CPED1: variants seen among roughly 807,000 people sequenced by gnomAD.
CPED1 encodes cadherin-like and PC-esterase domain-containing protein 1.
Under a neutral mutation model 128.2 loss-of-function variants are expected in CPED1, and 114 were observed. That is an observed-to-expected ratio of 0.89 (90% CI 0.76 to 1.04). CPED1 has a LOEUF of 1.04. Ranked by LOEUF, CPED1 falls within the 50% of genes least tolerant of loss-of-function variation. The pLI, the probability that CPED1 is intolerant of heterozygous loss-of-function variation, is 0.00. For missense variants in CPED1, 1,211 were observed against 1,207.1 expected (o/e 1.00, Z -0.05); for synonymous variants, 462 against 426.7 (o/e 1.08, Z -1.02).
intron 22 of CPED1, among the ~76,000 whole-genome samples, chr7:121,285,334 G>C (rs1562862673): frequency 6.6e-6 from 1 of 152,114 alleles, no homozygotes; most frequent in African/African-American, 2.4e-5. Context: ...CTGCCATGAA[G>C]GTCTCTGACA....
Position 121,054,356 on chromosome 7 carries a change from G to A in CPED1, c.540+7363G>A, listed in dbSNP as rs549878557. Among the ~76,000 whole-genome samples, 4 of 152,216 alleles carry A rather than the reference G, an allele frequency of 2.6e-5. No individual in the cohort carries two copies. In the South Asian group the frequency reaches 8.3e-4, roughly 32 times the overall value. On this transcript the variant is annotated intron_variant, in intron 4 of 22. Transcript: ENST00000310396. Reference sequence around the variant, plus strand: ...TTCTTTCTCAGACAGTGAGAAAATTGGATCTCATTTACATCATATTTCCCT... The same window carrying A: ...TTCTTTCTCAGACAGTGAGAAAATTAGATCTCATTTACATCATATTTCCCT...
intron 2 of CPED1, among the ~76,000 whole-genome samples, chr7:121,013,637 A>G (rs1792218656): frequency 6.6e-6 from 1 of 152,338 alleles, no homozygotes; most frequent in East Asian, 1.9e-4. Flanking sequence ...AGAGGAAAGT[A>G]TTGTCTGAAG....
At chr7:121,260,396 C>T (rs1339170436) in intron 18 of CPED1, among the ~76,000 whole-genome samples, 1 of 151,876 alleles carries the variant, frequency 6.6e-6, no homozygotes, top group Non-Finnish European at 1.5e-5. Flanking sequence ...TCACATTTCA[C>T]AGAGGGATGC....
At chr7:121,207,834 G>T (rs1420879028) in intron 16 of CPED1, among the ~76,000 whole-genome samples, 1 of 151,814 alleles carries the variant, frequency 6.6e-6, no homozygotes, top group Non-Finnish European at 1.5e-5. Context: ...TGTGTTTTTG[G>T]AACCCCAAAC....
chr7:121,262,964 C>T (rs1242873217), intron 18 of CPED1, among the ~76,000 whole-genome samples: 1 of 152,028 alleles, frequency 6.6e-6, no homozygotes, highest in Non-Finnish European at 1.5e-5. Flanking sequence ...ACTGAATTTT[C>T]ATTATAGTTA....
At chr7:121,030,805 C>T (rs1474600134) in intron 3 of CPED1, among the ~76,000 whole-genome samples, 1 of 152,170 alleles carries the variant, frequency 6.6e-6, no homozygotes, top group Non-Finnish European at 1.5e-5. Context: ...CAGGCATCCA[C>T]TTGAGGGGGG....
intron 16 of CPED1, among the ~76,000 whole-genome samples, chr7:121,186,716 G>C (rs1797012820): frequency 6.6e-6 from 1 of 152,052 alleles, no homozygotes; most frequent in African/African-American, 2.4e-5. Flanking sequence ...TACATGCTTA[G>C]CAGTCTAGTG....
chr7:121,196,521 A>C (rs1797276560), intron 16 of CPED1, among the ~76,000 whole-genome samples: 1 of 152,140 alleles, frequency 6.6e-6, no homozygotes, highest in Non-Finnish European at 1.5e-5. Flanking sequence ...GAGAAAATAA[A>C]TTATTAAAGG....
At chr7:121,090,277 C>A (rs759846906) in intron 5 of CPED1, among the ~76,000 whole-genome samples, 1 of 152,162 alleles carries the variant, frequency 6.6e-6, no homozygotes, top group Non-Finnish European at 1.5e-5. Flanking sequence ...GATCTGGCCA[C>A]TTTTATGGGT....
chr7:121,051,264 G>C, intron 4 of CPED1: 1 of 465,898 alleles, frequency 2.1e-6, no homozygotes, highest in South Asian at 1.7e-5. Flanking sequence ...CAATCCAGAG[G>C]AATATTTTTA....
intron 12 of CPED1, among the ~76,000 whole-genome samples, chr7:121,130,602 T>A (rs1795638304): frequency 6.6e-6 from 1 of 152,066 alleles, no homozygotes. Context: ...TGTGAGGGTA[T>A]CAGACAGAAG....
At chr7:121,012,947 T>G (rs1178766389) in intron 2 of CPED1, among the ~76,000 whole-genome samples, 1 of 152,204 alleles carries the variant, frequency 6.6e-6, no homozygotes, top group Non-Finnish European at 1.5e-5. Flanking sequence ...TCTTTCAAAA[T>G]AAAAACTACT....
intron 16 of CPED1, among the ~76,000 whole-genome samples, chr7:121,208,780 G>A (rs1156660771): frequency 6.6e-6 from 1 of 151,950 alleles, no homozygotes; most frequent in African/African-American, 2.4e-5. Context: ...TATGACCAAT[G>A]TTAGGGGTAC....
intron 17 of CPED1, among the ~76,000 whole-genome samples, chr7:121,238,605 G>A (rs1798313725): frequency 1.3e-5 from 2 of 152,042 alleles, no homozygotes; most frequent in South Asian, 4.1e-4. Context: ...AAAATGAAGT[G>A]ATGTTCCTTA....
chr7:121,257,988 T>C (rs1372650611), intron 18 of CPED1, among the ~76,000 whole-genome samples: 1 of 152,058 alleles, frequency 6.6e-6, no homozygotes, highest in Admixed American at 6.6e-5. Context: ...TTCTTCCACA[T>C]ATACATAAGG....
chr7:121,248,382 G>T (rs1466403114), intron 18 of CPED1, among the ~76,000 whole-genome samples: 1 of 152,066 alleles, frequency 6.6e-6, no homozygotes, highest in Non-Finnish European at 1.5e-5. Context: ...ATTAAAGGGG[G>T]CTCCCCAAAG....
chr7:121,011,145 A>C (rs1216610990), intron 2 of CPED1, among the ~76,000 whole-genome samples: 1 of 152,136 alleles, frequency 6.6e-6, no homozygotes, highest in Non-Finnish European at 1.5e-5. Flanking sequence ...GTATTTGAAC[A>C]TCAAAAGATG....
intron 16 of CPED1, among the ~76,000 whole-genome samples, chr7:121,146,352 A>G (rs1796024845): frequency 6.6e-6 from 1 of 152,136 alleles, no homozygotes; most frequent in African/African-American, 2.4e-5. Flanking sequence ...CTCATGATTT[A>G]ATCACATCCG....
At chr7:121,217,922 T>C (rs1191005801) in intron 16 of CPED1, among the ~76,000 whole-genome samples, 2 of 151,492 alleles carry the variant, frequency 1.3e-5, no homozygotes, top group Admixed American at 1.3e-4. Context: ...TGTGTGCATA[T>C]AGGTGTGTTT....
Sources: gnomAD v4.1 joint callset for allele counts (sites outside exome capture counted in the v4.1 genomes callset) on GRCh38, gnomAD v4.1.1 for gene constraint, MANE v1.5 for transcripts, NCBI Gene and HGNC (gene_info 2026-07-23, HGNC 2026-07-21) for gene names.